CCNE2: variants seen among roughly 807,000 people sequenced by gnomAD.
CCNE2 encodes cyclin E2, also known as G1/S-specific cyclin-E2.
Under a neutral mutation model 56.8 loss-of-function variants are expected in CCNE2, and 18 were observed. That is an observed-to-expected ratio of 0.32 (90% CI 0.22 to 0.47). CCNE2 has a LOEUF of 0.47. Ranked by LOEUF, CCNE2 falls within the 20% of genes least tolerant of loss-of-function variation. The probability of loss-of-function intolerance (pLI) is 1.00; values close to 1 mark genes in which losing one functional copy is unlikely to be tolerated. For synonymous variants in CCNE2, 139 were observed against 149.2 expected, an observed-to-expected ratio of 0.93 and a Z score of 0.50; for missense variants, 371 against 467.1, an observed-to-expected ratio of 0.79 and a Z score of 1.90.
intron 9 of CCNE2, 164 bp downstream of exon 9, chr8:94,884,903 G>T: frequency 1.9e-6 from 1 of 538,740 alleles, no homozygotes; most frequent in Non-Finnish European, 3.2e-6. Flanking sequence ...GAAATATTAA[G>T]CAACATAAAC....
In CCNE2 at chr8:94,886,612, G is replaced by T. The variant is rs191024935; in HGVS notation, c.601-1054C>A. 5.2e-4 allele frequency among the ~76,000 whole-genome samples: 79 copies of T among 152,230 alleles called. No individual in the cohort carries two copies. In the East Asian group the frequency reaches 0.015, roughly 28 times the overall value. ...GCTATTCCAGAGGCTGAGGTGGGAG[G>T]ATCACTGTAGCCTCGGAGGTCGAGG... On this transcript the variant is annotated intron_variant, in intron 7 of 11. Coordinates refer to ENST00000308108, the MANE Select transcript of CCNE2 (RefSeq NM_057749.3).
chr8:94,880,309 A>G lies in CCNE2; in HGVS notation c.*1323T>C. On this transcript the variant is annotated 3_prime_UTR_variant, in exon 12 of 12. Coordinates refer to ENST00000308108, the MANE Select transcript of CCNE2 (RefSeq NM_057749.3). ...AACAGTATTAAAAGGTTAAGTTTAT[A>G]TAATACATATGTACACAATTAGTGG... 1 of 737,034 alleles carries G rather than the reference A, an allele frequency of 1.4e-6. No individual in the cohort carries two copies. Among genetic ancestry groups the G allele is most frequent in the Non-Finnish European group, 2.3e-6 (1 of 438,410 alleles). The allele number at this position is 737,034 out of a possible 1,614,324, so 45.7% of individuals were successfully genotyped here.
chr8:94,885,614 G>T, intron 7 of CCNE2, 56 bp from the exon 8 acceptor site: 1 of 1,090,500 alleles, frequency 9.2e-7, no homozygotes, highest in Non-Finnish European at 1.4e-6. Flanking sequence ...AATTACAAAT[G>T]TTCCTCAGTC....
chr8:94,884,819 C>T (rs1563680509), intron 9 of CCNE2: 1 of 326,410 alleles, frequency 3.1e-6, no homozygotes, highest in East Asian at 5.1e-5. Context: ...CATTTTATAT[C>T]AAAAAGAGAT....
chr8:94,885,366 T>A (rs759098608), intron 8 of CCNE2, 97 bp downstream of exon 8: 20 of 1,059,066 alleles, frequency 1.9e-5, no homozygotes, highest in Admixed American at 4.4e-5. Context: ...CAGTTTTGAC[T>A]TTTTACATTG....
chr8:94,894,161 A>C, intron 2 of CCNE2, 42 bp from the exon 3 acceptor site: 1 of 1,613,452 alleles, frequency 6.2e-7, no homozygotes, highest in Non-Finnish European at 8.5e-7. Flanking sequence ...TAGTAAGTTA[A>C]AGGCAGCAAC....
intron 5 of CCNE2, 54 bp downstream of exon 5, chr8:94,892,764 T>G: frequency 9.7e-7 from 1 of 1,029,044 alleles, no homozygotes; most frequent in South Asian, 2.1e-5. Flanking sequence ...GTGCCATGTA[T>G]TAAATCAGCA....
Position 94,892,047 on chromosome 8 carries a change from C to G in CCNE2, c.317+771G>C, listed in dbSNP as rs188907205. ...TTCCTAAACCAGAAGAGGCGGTTGC[C>G]CAGAAGAAAAAGATATCCCAGAAGA... On this transcript the variant is annotated intron_variant, in intron 5 of 11. Transcript: ENST00000308108. The G allele has an allele frequency of 2.1e-3, 1,550 of 733,310 alleles. 10 individuals are homozygous for G. In the African/African-American group the frequency reaches 0.025, roughly 12 times the overall value. The allele number at this position is 733,310 out of a possible 1,614,324, so 45.4% of individuals were successfully genotyped here. A position where few individuals can be genotyped will look rare whatever the true frequency, so the allele number is the denominator to read the frequency against.
Position 94,880,639 on chromosome 8 carries a change from A to G in CCNE2, c.*993T>C. On this transcript the variant is annotated 3_prime_UTR_variant, in exon 12 of 12. Coordinates refer to ENST00000308108, the MANE Select transcript of CCNE2 (RefSeq NM_057749.3). ...TATTTAATACTCTTCTTCCTTAAGA[A>G]AATAGAAGTTTAGGTCAAGTGTTAA... The G allele has an allele frequency of 2.6e-6, 1 of 382,458 alleles. No homozygotes were observed. 23.7% of individuals were successfully genotyped at this position (382,458 alleles called of 1,614,324 possible).
At chr8:94,890,578 T>C in intron 5 of CCNE2, 28 bp from the exon 6 acceptor site, 1 of 597,982 alleles carries the variant, frequency 1.7e-6, no homozygotes, top group Non-Finnish European at 2.1e-6. Flanking sequence ...AAAAACCATA[T>C]ATATATATAT....
chr8:94,896,120 G>A (rs979550096), upstream of CCNE2, among the ~76,000 whole-genome samples: 4 of 152,104 alleles, frequency 2.6e-5, no homozygotes, highest in South Asian at 2.1e-4. Flanking sequence ...CTCCAATTCC[G>A]GGATCCCAGA....
chr8:94,881,583 G>A lies in CCNE2; in HGVS notation c.*49C>T, dbSNP rs1816814688. 1 of 1,599,822 alleles carries A rather than the reference G, an allele frequency of 6.3e-7. No homozygotes were observed. Among genetic ancestry groups the A allele is most frequent in the Admixed American group, 1.7e-5 (1 of 57,952 alleles). ...AAACTTTAGTAGTTCAGTGATACCA[G>A]TTCTACCCAATCTTGGTGAATTCCA... On this transcript the variant is annotated 3_prime_UTR_variant, in exon 12 of 12. Coordinates refer to ENST00000308108, the MANE Select transcript of CCNE2 (RefSeq NM_057749.3).
rs1386035877 is a variant in CCNE2, at chr8:94,892,908, T to G, written c.227A>C (p.His76Pro). 9 of 1,540,692 alleles carry G rather than the reference T, an allele frequency of 5.8e-6. No homozygotes were observed. Among genetic ancestry groups the G allele is most frequent in the Non-Finnish European group, 7.8e-6 (9 of 1,148,598 alleles). ...GAAATCACTTGTTCCTATTTCTTTG[T>G]GAGGTGTTTCAATGATAATGCAAGG... The part of the protein sequence containing the change: ...ISPCIIIETP[H>P]KEIGTSDFSR... Residue 76 changes from histidine (H) to proline (P), a missense_variant, in exon 5 of 12, where the codon CAC becomes CCC. By Grantham distance (77) the His-to-Pro change is moderately conservative (BLOSUM62 -2). Transcript: ENST00000308108.
chr8:94,891,450 G>A (rs1817236918), intron 5 of CCNE2: 2 of 284,606 alleles, frequency 7.0e-6, no homozygotes, highest in Admixed American at 4.7e-5. Context: ...CTTAAGGTCA[G>A]GAGTTCGAGA....
chr8:94,894,348 G>GA lies in CCNE2; in HGVS notation c.-26-102dup, dbSNP rs981920052. 2.4e-5 allele frequency: 28 copies of GA among 1,167,450 alleles called. 1 individual carries two copies. In the Middle Eastern group the frequency reaches 1.2e-3, roughly 48 times the overall value. The allele number at this position is 1,167,450 out of a possible 1,614,324, so 72.3% of individuals were successfully genotyped here. On this transcript the variant is annotated intron_variant, in intron 1 of 11. Coordinates refer to ENST00000308108, the MANE Select transcript of CCNE2 (RefSeq NM_057749.3). ...TCGCAGGTGAAAGCTCAGTCCCTCC[G>GA]AAGGGGGCCTGGGCCCTGTGACCCT... is the stretch of plus-strand genomic sequence containing the variant.
chr8:94,895,112 T>C, intron 1 of CCNE2, 65 bp downstream of exon 1: 2 of 913,856 alleles, frequency 2.2e-6, no homozygotes, highest in Non-Finnish European at 2.6e-6. Flanking sequence ...CCGCCTGTGG[T>C]AAGTGATCGG....
rs538575777 is a variant in CCNE2 at position 94,885,280 on chromosome 8, A to G, written c.697-79T>C. On this transcript the variant is annotated intron_variant, in intron 8 of 11. Transcript: ENST00000308108. ...ATTATACAGCAGAGCTTAGAGGTTAAGTACATTCCCCATCCAACCATAACC... is the reference window on the plus strand; with the variant it reads ...ATTATACAGCAGAGCTTAGAGGTTAGGTACATTCCCCATCCAACCATAACC... 4.9e-5 allele frequency: 66 copies of G among 1,346,516 alleles called. No homozygotes were observed. In the Admixed American group the frequency reaches 1.1e-3, roughly 23 times the overall value. 83.4% of individuals were successfully genotyped at this position (1,346,516 alleles called of 1,614,324 possible).
At chr8:94,891,674 A>AC in intron 5 of CCNE2, 2 of 539,642 alleles carry the variant, frequency 3.7e-6, no homozygotes, top group African/African-American at 2.0e-5. Flanking sequence ...AAAAAAAAAA[A>AC]AAAAAACACC....
intron 5 of CCNE2, chr8:94,891,810 G>C (rs1303231401): frequency 2.6e-6 from 4 of 1,536,312 alleles, no homozygotes; most frequent in Non-Finnish European, 3.6e-6. Flanking sequence ...GGCCCAAAAA[G>C]AGTGCTGAAT....
Sources: allele counts gnomAD v4.1 joint callset (sites outside exome capture counted in the v4.1 genomes callset), GRCh38; gene constraint gnomAD v4.1.1; transcripts MANE v1.5; gene names NCBI Gene and HGNC (gene_info 2026-07-23, HGNC 2026-07-21).